The following FGGY variants were observed in gnomAD, a reference collection of about 807,000 sequenced individuals.
FGGY encodes the protein FGGY carbohydrate kinase domain containing.
Under a neutral mutation model 71.3 loss-of-function variants are expected in FGGY, and 72 were observed. That is an observed-to-expected ratio of 1.01 (90% CI 0.84 to 1.23). The LOEUF is 1.23. Ranked by LOEUF, FGGY falls within the 50% of genes most tolerant of loss-of-function variation. The pLI, the probability that FGGY is intolerant of heterozygous loss-of-function variation, is 0.00. For synonymous variants in FGGY, 251 were observed against 250.3 expected, an observed-to-expected ratio of 1.00 and a Z score of -0.02; for missense variants, 668 against 682.3, an observed-to-expected ratio of 0.98 and a Z score of 0.23.
intron 8 of FGGY, among the ~76,000 whole-genome samples, chr1:59,579,645 A>G (rs992856503): frequency 2.0e-5 from 3 of 152,086 alleles, no homozygotes; most frequent in South Asian, 2.1e-4. Context: ...TACTGATGGA[A>G]TCCACCAATG....
chr1:59,686,047 G>A (rs191866004), intron 14 of FGGY, among the ~76,000 whole-genome samples: 59 of 152,276 alleles, frequency 3.9e-4, no homozygotes, highest in African/African-American at 1.4e-3. Flanking sequence ...TCTTATAGAA[G>A]AAGGCAGAAT....
intron 2 of FGGY, among the ~76,000 whole-genome samples, chr1:59,322,409 G>A (rs747189357): frequency 1.3e-5 from 2 of 151,514 alleles, no homozygotes; most frequent in Non-Finnish European, 2.9e-5. Context: ...AGTGTACACT[G>A]TACCCAATGT....
chr1:59,702,603 G>A (rs1293883936), intron 14 of FGGY, among the ~76,000 whole-genome samples: 1 of 152,140 alleles, frequency 6.6e-6, no homozygotes, highest in Admixed American at 6.6e-5. Context: ...TGTTAATGTG[G>A]TCTAGATGCC....
chr1:59,465,568 T>A (rs537107048), intron 6 of FGGY, among the ~76,000 whole-genome samples: 1 of 152,294 alleles, frequency 6.6e-6, no homozygotes, highest in Admixed American at 6.5e-5. Flanking sequence ...AGTCAAATTG[T>A]CCCTGTTTGC....
chr1:59,546,076 C>G (rs957905300), intron 7 of FGGY, among the ~76,000 whole-genome samples: 14 of 152,070 alleles, frequency 9.2e-5, no homozygotes, highest in African/African-American at 2.7e-4. Context: ...AACTGTTATG[C>G]CAAGCCTTGC....
intron 6 of FGGY, among the ~76,000 whole-genome samples, chr1:59,471,552 A>G (rs1202291502): frequency 6.6e-6 from 1 of 152,176 alleles, no homozygotes; most frequent in Non-Finnish European, 1.5e-5. Context: ...CTTGAAGGCA[A>G]GTACCTATCC....
intron 5 of FGGY, among the ~76,000 whole-genome samples, chr1:59,383,506 G>A (rs2059724242): frequency 6.6e-6 from 1 of 152,114 alleles, no homozygotes; most frequent in Non-Finnish European, 1.5e-5. Context: ...TGAAAAACCA[G>A]TTCAGGCCAT....
At chr1:59,465,980 TTC>T (rs2092599696) in intron 6 of FGGY, among the ~76,000 whole-genome samples, 1 of 152,176 alleles carries the variant, frequency 6.6e-6, no homozygotes, top group African/African-American at 2.4e-5. Flanking sequence ...ACCAATGACT[TTC>T]TTCACAGAAC....
At chr1:59,424,318 G>A (rs1288883138) in intron 5 of FGGY, among the ~76,000 whole-genome samples, 3 of 152,226 alleles carry the variant, frequency 2.0e-5, no homozygotes, top group Non-Finnish European at 4.4e-5. Context: ...GGAGGCCGAG[G>A]CAGGCGAATC....
intron 5 of FGGY, among the ~76,000 whole-genome samples, chr1:59,401,834 A>G (rs2062004487): frequency 6.6e-6 from 1 of 152,210 alleles, no homozygotes; most frequent in African/African-American, 2.4e-5. Context: ...AGTACAATAA[A>G]GGAAACATGA....
chr1:59,558,213 G>A (rs1409024111), intron 8 of FGGY, among the ~76,000 whole-genome samples: 1 of 152,132 alleles, frequency 6.6e-6, no homozygotes, highest in African/African-American at 2.4e-5. Flanking sequence ...TACCAAATAT[G>A]ATATTGTTAT....
chr1:59,535,068 T>A (rs984096831), intron 7 of FGGY, among the ~76,000 whole-genome samples: 19 of 152,178 alleles, frequency 1.2e-4, no homozygotes, highest in Non-Finnish European at 2.2e-4. Flanking sequence ...CCCATCAGTG[T>A]GCTGTATTCA....
At chr1:59,531,646 A>G (rs1040118866) in intron 7 of FGGY, among the ~76,000 whole-genome samples, 5 of 152,176 alleles carry the variant, frequency 3.3e-5, no homozygotes, top group Non-Finnish European at 5.9e-5. Context: ...GCATTTGCTG[A>G]GTTGAAACCT....
At chr1:59,480,121 T>C (rs901246369) in intron 6 of FGGY, among the ~76,000 whole-genome samples, 7 of 152,204 alleles carry the variant, frequency 4.6e-5, no homozygotes, top group African/African-American at 7.2e-5. Context: ...CTTGCCTTTT[T>C]CAGTCCATCC....
chr1:59,314,846 G>T (rs1486042843), intron 1 of FGGY, among the ~76,000 whole-genome samples: 1 of 152,224 alleles, frequency 6.6e-6, no homozygotes, highest in African/African-American at 2.4e-5. Flanking sequence ...TCAAGACACA[G>T]TCCTGCATTG....
At chr1:59,586,089 G>C (rs574014232) in intron 8 of FGGY, among the ~76,000 whole-genome samples, 40 of 152,328 alleles carry the variant, frequency 2.6e-4, no homozygotes, top group African/African-American at 8.7e-4. Context: ...AACCATTGTG[G>C]AAGTCAGTGT....
intron 14 of FGGY, among the ~76,000 whole-genome samples, chr1:59,718,577 G>A (rs1015501707): frequency 1.3e-5 from 2 of 152,188 alleles, no homozygotes; most frequent in African/African-American, 4.8e-5. Context: ...CAGTGGCATA[G>A]CAGGCACACC....
intron 4 of FGGY, among the ~76,000 whole-genome samples, chr1:59,361,433 A>G (rs1557669305): frequency 1.3e-5 from 2 of 152,094 alleles, no homozygotes. Context: ...GGGCCAGTGG[A>G]TGAATTGGAA....
At chr1:59,478,664 A>T (rs1406125847) in intron 6 of FGGY, among the ~76,000 whole-genome samples, 1 of 152,226 alleles carries the variant, frequency 6.6e-6, no homozygotes, top group Non-Finnish European at 1.5e-5. Flanking sequence ...AACATAGAGT[A>T]GACATTTGGA....
Sources: gnomAD v4.1 joint callset for allele counts (sites outside exome capture counted in the v4.1 genomes callset) on GRCh38, gnomAD v4.1.1 for gene constraint, MANE v1.5 for transcripts, NCBI Gene and HGNC (gene_info 2026-07-23, HGNC 2026-07-21) for gene names.